NBPF9: variants seen among roughly 807,000 people sequenced by gnomAD.
The protein encoded by NBPF9 is NBPF member 9, also known as NBPF family member NBPF9.
In NBPF9, 91 loss-of-function variants were observed where a neutral mutation model predicts 97.8. That is an observed-to-expected ratio of 0.93 (90% CI 0.79 to 1.11). The LOEUF (loss-of-function observed/expected upper bound fraction) is 1.11. Ranked by LOEUF, NBPF9 falls within the 50% of genes least tolerant of loss-of-function variation. The pLI is 0.00. For synonymous variants in NBPF9, 334 were observed against 359.5 expected (o/e 0.93, Z 0.80); for missense variants, 992 against 939.5 (o/e 1.06, Z -0.73).
At chr1:149,072,906 T>C (rs1397054025) in exon 14 of NBPF9, 12 of 1,607,194 alleles carry the variant, frequency 7.5e-6, no homozygotes, top group South Asian at 2.2e-5. Context: ...CTCTCGTTCC[T>C]GAGCGTGAAC....
At chr1:149,060,034 C>T in intron 24 of NBPF9, 1 of 355,054 alleles carries the variant, frequency 2.8e-6, no homozygotes, top group East Asian at 3.4e-5. Flanking sequence ...ATCGTTATCC[C>T]AATATCATTG....
chr1:149,064,005 CACACAG>C (rs2078838807), intron 19 of NBPF9, among the ~76,000 whole-genome samples, 200 bp from the exon 20 acceptor site: 1 of 76,956 alleles, frequency 1.3e-5, no homozygotes, highest in Admixed American at 1.3e-4. Flanking sequence ...CACACACACA[CACACAG>C]ACACAGACAC....
Position 149,055,785 on chromosome 1 carries a change from G to T in NBPF9, c.3207C>A (p.Tyr1069Ter). 6.2e-7 allele frequency: 1 copy of T among 1,611,448 alleles called. No homozygotes were observed. The highest frequency in any genetic ancestry group is 1.1e-5 in the South Asian group (1 of 90,930). Residue 1069 changes from tyrosine (Y) to a stop codon, truncating the protein, a stop_gained, in exon 30 of 30, where the codon TAC (tyrosine) becomes TAA (stop). Transcript: ENST00000584027. LOFTEE classifies it low-confidence loss of function (END_TRUNC). ...CCTCAAATGAGTAAAACACACTTCT[G>T]TAGTGCTGGAATGAGTCAGGTAGTT...
rs587652499 is a variant in NBPF9, at chr1:149,087,248, A to ATG, written c.-195+3503_-195+3504dup. 3.2e-3 allele frequency among the ~76,000 whole-genome samples: 478 copies of ATG among 147,166 alleles called. 1 individual carries two copies. The highest frequency in any genetic ancestry group is 9.9e-3 in the African/African-American group (401 of 40,454). The stretch of plus-strand genomic sequence containing the variant: ...GTATCAGACTGCAATATATATATAT[A>ATG]TGTGTGTGTGTGTGTGTCTGTATAT... On this transcript the variant is annotated intron_variant, in intron 5 of 29. Coordinates refer to ENST00000584027, the Ensembl canonical transcript of NBPF9.
rs1488524978 is a variant in NBPF9, at chr1:149,078,924, C to G, written c.493+83G>C. On this transcript the variant is annotated intron_variant, in intron 9 of 29. Transcript: ENST00000584027. ...GTAGCAGAAAAAAACCCCACTGATA[C>G]AACTGTCATTGTGAAAGTATGGAGG... The G allele has an allele frequency of 2.6e-6, 4 of 1,565,222 alleles. No individual in the cohort carries two copies. In the African/African-American group the frequency reaches 4.0e-5, roughly 16 times the overall value.
In NBPF9 at chr1:149,072,789, C is replaced by T. The variant is rs587753707; in HGVS notation, c.1235G>A (p.Gly412Glu). 384 of 1,580,352 alleles carry T rather than the reference C, an allele frequency of 2.4e-4. 3 individuals are homozygous for T. The highest frequency in any genetic ancestry group is 1.9e-3 in the South Asian group (175 of 90,394). ...AGCCAGCTGTTCTTGGAGGTCCTGC[C>T]CCTGGGACTTGTCCGGCTCATCCGG... Residue 412 changes from glycine (G) to glutamate (E), a missense_variant, in exon 14 of 30, where the codon GGG (glycine) becomes GAG (glutamate). By Grantham distance (98) the Gly-to-Glu change is moderately conservative. Coordinates refer to ENST00000584027, the Ensembl canonical transcript of NBPF9.
chr1:149,076,525 T>C (rs1175820848), intron 11 of NBPF9, among the ~76,000 whole-genome samples: 2 of 144,932 alleles, frequency 1.4e-5, no homozygotes, highest in African/African-American at 5.1e-5. Context: ...TTTTTTGAGA[T>C]GGAGTCTCGC....
intron 5 of NBPF9, among the ~76,000 whole-genome samples, chr1:149,088,582 T>G (rs1204270053): frequency 6.6e-6 from 1 of 152,174 alleles, no homozygotes; most frequent in Non-Finnish European, 1.5e-5. Context: ...TCTGTTCTCA[T>G]CATGCTGAGC....
chr1:149,060,243 G>C (rs1224047225), intron 24 of NBPF9: 5 of 233,258 alleles, frequency 2.1e-5, no homozygotes, highest in African/African-American at 1.4e-4. Context: ...CAAAATCATA[G>C]TTCTCTGAAT....
At position 149,073,331 on chromosome 1, in the gene NBPF9, G is replaced by A. The variant is rs3979915; in HGVS notation, c.1092-399C>T. ...AAATGAGGCCAGGGGCAGATGGGGCGAATTGAAAAGACGAAAGAAGAAAAG... is the reference window on the plus strand; with the variant it reads ...AAATGAGGCCAGGGGCAGATGGGGCAAATTGAAAAGACGAAAGAAGAAAAG... On this transcript the variant is annotated intron_variant, in intron 13 of 29. Transcript: ENST00000584027. 1.1e-3 allele frequency among the ~76,000 whole-genome samples: 159 copies of A among 140,170 alleles called. 3 individuals are homozygous for A. Among genetic ancestry groups the A allele is most frequent in the Non-Finnish European group, 1.5e-3 (101 of 65,434 alleles). The allele number at this position is 140,170 out of a possible 152,430, so 92.0% of individuals were successfully genotyped here.
At position 149,061,889 on chromosome 1, in the gene NBPF9, C is replaced by T. The variant is rs587636742; in HGVS notation, c.2251+204G>A. The stretch of plus-strand genomic sequence containing the variant: ...AGGTTGCCACAGGCATGGCTGGAGA[C>T]TAGGAATGGAGCCTTGCTCACTGAC... On this transcript the variant is annotated intron_variant, in intron 22 of 29. Transcript: ENST00000584027. 4 of 435,612 alleles carry T rather than the reference C, an allele frequency of 9.2e-6. 1 individual carries two copies. Among genetic ancestry groups the T allele is most frequent in the East Asian group, 8.2e-5 (2 of 24,472 alleles). The allele number at this position is 435,612 out of a possible 1,614,324, so 27.0% of individuals were successfully genotyped here.
intron 4 of NBPF9, among the ~76,000 whole-genome samples, chr1:149,095,584 A>G (rs782605925): frequency 2.7e-3 from 394 of 144,568 alleles, no homozygotes; most frequent in Middle Eastern, 7.0e-3. Flanking sequence ...ACTGCTGTCC[A>G]AAATATATGA....
chr1:149,075,635 G>A lies in NBPF9; in HGVS notation c.988+20C>T. 2 of 1,604,924 alleles carry A rather than the reference G, an allele frequency of 1.2e-6. No homozygotes were observed. The highest frequency in any genetic ancestry group is 1.7e-6 in the Non-Finnish European group (2 of 1,173,308). On this transcript the variant is annotated intron_variant, in intron 12 of 29. Coordinates refer to ENST00000584027, the Ensembl canonical transcript of NBPF9. ...GGACGTCGTTCATCACTTTCGTGAT[G>A]GTGAGCCTATAGATCTTACTGTATT... is the stretch of plus-strand genomic sequence containing the variant.
chr1:149,085,936 C>A (rs1427446575), intron 5 of NBPF9, among the ~76,000 whole-genome samples: 1 of 151,130 alleles, frequency 6.6e-6, no homozygotes, highest in African/African-American at 2.4e-5. Flanking sequence ...CAACCCTCAG[C>A]CCCAAGGAGC....
chr1:149,055,625 G>T (rs781962746), exon 30 of NBPF9: 12 of 1,611,502 alleles, frequency 7.4e-6, no homozygotes, highest in Admixed American at 3.3e-5. Flanking sequence ...CTGCCTGCAG[G>T]AATGACATCT....
intron 17 of NBPF9, among the ~76,000 whole-genome samples, chr1:149,069,096 C>T (rs1315469970): frequency 1.3e-5 from 2 of 152,038 alleles, no homozygotes; most frequent in East Asian, 3.9e-4. Context: ...CAAAACATAC[C>T]AGAATCTCTG....
chr1:149,079,598 T>C, intron 8 of NBPF9, among the ~76,000 whole-genome samples: 1 of 144,436 alleles, frequency 6.9e-6, no homozygotes, highest in Non-Finnish European at 1.5e-5. Context: ...TGTACAGAAA[T>C]GAGGCCAGGG....
At chr1:149,070,019 A>C (rs2079277710) in intron 16 of NBPF9, among the ~76,000 whole-genome samples, 1 of 135,092 alleles carries the variant, frequency 7.4e-6, no homozygotes, top group African/African-American at 2.9e-5. Context: ...GCATCTATAC[A>C]TGAAACACGA....
intron 1 of NBPF9, among the ~76,000 whole-genome samples, chr1:149,103,061 C>A (rs1335771782): frequency 6.6e-6 from 1 of 152,064 alleles, no homozygotes; most frequent in African/African-American, 2.4e-5. Flanking sequence ...ACAGAACACC[C>A]GCCAGCGAGT....
Sources: allele counts gnomAD v4.1 joint callset (sites outside exome capture counted in the v4.1 genomes callset), GRCh38; gene constraint gnomAD v4.1.1; transcripts MANE v1.5; gene names NCBI Gene and HGNC (gene_info 2026-07-23, HGNC 2026-07-21).